ARAP1: variants seen among roughly 807,000 people sequenced by gnomAD.
The protein encoded by ARAP1 is ArfGAP with RhoGAP domain, ankyrin repeat and PH domain 1.
ARAP1 carries 76 observed loss-of-function variants against 172.2 expected under a neutral mutation model. The ratio of observed to expected loss-of-function variants is 0.44; its 90% CI spans 0.37 to 0.53. The LOEUF (loss-of-function observed/expected upper bound fraction) is 0.53. ARAP1 is among the 20% of genes least tolerant of loss of function. The pLI is 0.00. For missense variants in ARAP1, 1,686 were observed against 1,977.5 expected, an observed-to-expected ratio of 0.85 and a Z score of 2.80; for synonymous variants, 804 against 803.3, an observed-to-expected ratio of 1.00 and a Z score of -0.01.
chr11:72,748,317 C>G (rs565840966), intron 1 of ARAP1, among the ~76,000 whole-genome samples: 1 of 152,036 alleles, frequency 6.6e-6, no homozygotes, highest in African/African-American at 2.4e-5. Flanking sequence ...GTCAGGAGTT[C>G]AAGATCATCC....
In ARAP1 at chr11:72,699,612, C is replaced by T; in HGVS notation, c.2303-60G>A. 4.5e-6 allele frequency: 7 copies of T among 1,565,844 alleles called. No homozygotes were observed. Among genetic ancestry groups the T allele is most frequent in the Non-Finnish European group, 5.2e-6 (6 of 1,156,160 alleles). On this transcript the variant is annotated intron_variant, in intron 16 of 34. Transcript: ENST00000393609. This position sits in a 1 kb window ranked among gnomAD's most constrained non-coding sequence, Gnocchi z 4.2. ...GCCCCCCACCACCTGAAAACCACCT[C>T]TGCATCCTCCCGGGGCTCCTGCTCC...
intron 1 of ARAP1, among the ~76,000 whole-genome samples, chr11:72,744,729 C>T (rs1858301961): frequency 6.6e-6 from 1 of 152,112 alleles, no homozygotes; most frequent in African/African-American, 2.4e-5. Context: ...GGAGCAACCT[C>T]CCTCCCCCGT....
In ARAP1 at chr11:72,695,645, G is replaced by T; in HGVS notation, c.3421-17C>A. The T allele has an allele frequency of 6.2e-7, 1 of 1,614,050 alleles. No individual in the cohort carries two copies. ...CTCATCCACCTGGGAAGGGGCGAGA[G>T]GCAGGGACAGGTGGTCACCGTCATC... On this transcript the variant is annotated splice_polypyrimidine_tract_variant and intron_variant, in intron 24 of 34. Transcript: ENST00000393609. The surrounding 1 kb of genome is among the most constrained non-coding windows in gnomAD (Gnocchi z 4.4).
intron 3 of ARAP1, among the ~76,000 whole-genome samples, chr11:72,714,741 C>T (rs1221481727): frequency 6.6e-6 from 1 of 152,086 alleles, no homozygotes; most frequent in Non-Finnish European, 1.5e-5. Flanking sequence ...CTGCAAGGCC[C>T]GAGGCACAGA....
At chr11:72,702,194 G>A (rs918872589) in intron 15 of ARAP1, among the ~76,000 whole-genome samples, 10 of 152,224 alleles carry the variant, frequency 6.6e-5, no homozygotes, top group African/African-American at 1.9e-4. Flanking sequence ...TGTTCCCCAC[G>A]GTCAGCGCCG....
At chr11:72,723,116 T>C (rs200419518) in intron 3 of ARAP1, among the ~76,000 whole-genome samples, 1 of 152,124 alleles carries the variant, frequency 6.6e-6, no homozygotes, top group East Asian at 1.9e-4. Context: ...AAGACCAGCA[T>C]GGGCAACAAA....
At chr11:72,707,099 C>T in intron 12 of ARAP1, 76 bp downstream of exon 12, 1 of 1,420,686 alleles carries the variant, frequency 7.0e-7, no homozygotes. Flanking sequence ...GGCCCTCCTC[C>T]AGATAGGATA....
At chr11:72,703,278 G>A in intron 14 of ARAP1, 199 bp from the exon 15 acceptor site, 1 of 593,162 alleles carries the variant, frequency 1.7e-6, no homozygotes, top group Non-Finnish European at 2.8e-6. Context: ...GGGGTGAGCA[G>A]GGGCTGCCTA....
At chr11:72,713,058 G>C in intron 5 of ARAP1, 118 bp downstream of exon 5, 1 of 1,089,700 alleles carries the variant, frequency 9.2e-7, no homozygotes. Context: ...GGTGGGGGAA[G>C]GGGAAGCCTC....
At chr11:72,701,022 G>A (rs952023549) in intron 16 of ARAP1, among the ~76,000 whole-genome samples, 8 of 152,178 alleles carry the variant, frequency 5.3e-5, no homozygotes, top group African/African-American at 1.4e-4. Context: ...GAGAGATGGG[G>A]GGTGCTATTT....
rs939208039 is a variant in ARAP1 at position 72,697,639 on chromosome 11, C to G, written c.2748G>C (p.Gly916=). The change falls in exon 20 of 35, where the codon GGG becomes GGC. Residue 916 remains glycine, a synonymous_variant. Transcript: ENST00000393609. ...LRKLQELSIQ[G]DSENQVLVLV... ...GCACCAGCACCTGGTTCTCACTGTC[C>G]CCCTGGATGGCTGTGGAGGGGTTAG... 1 of 1,614,114 alleles carries G rather than the reference C, an allele frequency of 6.2e-7. No individual in the cohort carries two copies. Among genetic ancestry groups the G allele is most frequent in the Non-Finnish European group, 8.5e-7 (1 of 1,179,978 alleles).
At chr11:72,729,923 TAAAA>T (rs11287535) in intron 2 of ARAP1, among the ~76,000 whole-genome samples, 3 of 134,656 alleles carry the variant, frequency 2.2e-5, no homozygotes, top group Admixed American at 7.4e-5. Context: ...AGACTGTCTC[TAAAA>T]AAAAAAAAAA....
chr11:72,736,735 A>C (rs1858040305), intron 1 of ARAP1, among the ~76,000 whole-genome samples: 1 of 150,620 alleles, frequency 6.6e-6, no homozygotes, highest in Non-Finnish European at 1.5e-5. Flanking sequence ...TCCCACCCCC[A>C]CTCAAAGCCT....
At chr11:72,732,300 CTG>C (rs1293689996) in intron 2 of ARAP1, among the ~76,000 whole-genome samples, 1 of 152,208 alleles carries the variant, frequency 6.6e-6, no homozygotes, top group Non-Finnish European at 1.5e-5. Context: ...CCTTGTCCCT[CTG>C]TCTCGTACCC....
chr11:72,723,729 G>A (rs1013417411), intron 3 of ARAP1, among the ~76,000 whole-genome samples: 10 of 152,268 alleles, frequency 6.6e-5, no homozygotes, highest in Middle Eastern at 3.4e-3. Flanking sequence ...ACAAGCTCAC[G>A]TTGGCAATCA....
chr11:72,693,624 C>T lies in ARAP1; in HGVS notation c.3808+68G>A, dbSNP rs1856037439. On this transcript the variant is annotated intron_variant, in intron 28 of 34. Transcript: ENST00000393609. This position sits in a 1 kb window ranked among gnomAD's most constrained non-coding sequence, Gnocchi z 4.6. ...TCTGAGCTGTTCCTACCTGGCACCACCAGGTCCCACCCTGGCTCTGGAAGA... is the reference window on the plus strand; with the variant it reads ...TCTGAGCTGTTCCTACCTGGCACCATCAGGTCCCACCCTGGCTCTGGAAGA... 5 of 1,532,836 alleles carry T rather than the reference C, an allele frequency of 3.3e-6. No homozygotes were observed. The highest frequency in any genetic ancestry group is 1.9e-5 in the Admixed American group (1 of 51,468). 95.0% of individuals were successfully genotyped at this position (1,532,836 alleles called of 1,614,324 possible). A position where few individuals can be genotyped will look rare whatever the true frequency, so the allele number is the denominator to read the frequency against.
chr11:72,726,916 C>G lies in ARAP1; in HGVS notation c.213G>C (p.Pro71=). The change falls in exon 3 of 35, where the codon CCG becomes CCC. Residue 71 remains proline (P), a synonymous_variant. Coordinates refer to ENST00000393609, the MANE Select transcript of ARAP1 (RefSeq NM_001040118.3). The surrounding 1 kb of genome is among the most constrained non-coding windows in gnomAD (Gnocchi z 6.5). Reference sequence around the variant, plus strand: ...GTGGGGTGGGGCGGGGTGCAGGGGCCGGTGAGGTATGGGCACGGAGCAGGC... The same window carrying G: ...GTGGGGTGGGGCGGGGTGCAGGGGCGGGTGAGGTATGGGCACGGAGCAGGC... ...LAGLLRAHTS[P]APAPRPTPRP... 6.3e-7 allele frequency: 1 copy of G among 1,589,116 alleles called. No homozygotes were observed. Among genetic ancestry groups the G allele is most frequent in the Non-Finnish European group, 8.6e-7 (1 of 1,167,916 alleles).
chr11:72,726,831 C>T lies in ARAP1; in HGVS notation c.298G>A (p.Glu100Lys), dbSNP rs373473025. The change falls in exon 3 of 35, where the codon GAG becomes AAG. Residue 100 changes from glutamate to lysine, a missense_variant. Glu to Lys is a moderately conservative substitution (Grantham distance 56). Coordinates refer to ENST00000393609, the MANE Select transcript of ARAP1 (RefSeq NM_001040118.3). The surrounding 1 kb of genome is among the most constrained non-coding windows in gnomAD (Gnocchi z 6.5). ...RSPPVPATPP[E>K]PLPTTTEDEG... Reference sequence around the variant, plus strand: ...TCCTCTGTAGTGGTGGGCAGCGGCTCGGGTGGAGTGGCAGGCACAGGTGGT... The same window carrying T: ...TCCTCTGTAGTGGTGGGCAGCGGCTTGGGTGGAGTGGCAGGCACAGGTGGT... 3.9e-6 allele frequency: 6 copies of T among 1,540,538 alleles called. No homozygotes were observed. Among genetic ancestry groups the T allele is most frequent in the Non-Finnish European group, 3.5e-6 (4 of 1,142,504 alleles).
At chr11:72,698,901 C>A in intron 18 of ARAP1, 104 bp downstream of exon 18, 1 of 1,202,494 alleles carries the variant, frequency 8.3e-7, no homozygotes, top group South Asian at 1.3e-5. Context: ...CTGCATCTAG[C>A]TTCTGCTCTC....
Sources: gnomAD v4.1 joint callset for allele counts (sites outside exome capture counted in the v4.1 genomes callset) on GRCh38, gnomAD v4.1.1 for gene constraint, Gnocchi (gnomAD v3.1) non-coding constraint, MANE v1.5 for transcripts, NCBI Gene and HGNC (gene_info 2026-07-23, HGNC 2026-07-21) for gene names.